FBXL7: variants seen among roughly 807,000 people sequenced by gnomAD.
FBXL7 encodes the protein F-box and leucine rich repeat protein 7, also known as F-box/LRR-repeat protein 7.
A neutral mutation model predicts 38.3 loss-of-function variants in FBXL7; 12 were observed. That is an observed-to-expected ratio of 0.31 (90% confidence interval 0.20 to 0.51). The LOEUF (loss-of-function observed/expected upper bound fraction) is 0.51. FBXL7 is among the 20% of genes least tolerant of loss of function. The probability of loss-of-function intolerance (pLI) is 0.98; values close to 1 mark genes in which losing one functional copy is unlikely to be tolerated. For missense variants in FBXL7, 567 were observed against 676.4 expected, an observed-to-expected ratio of 0.84 and a Z score of 1.79; for synonymous variants, 297 against 300.9, an observed-to-expected ratio of 0.99 and a Z score of 0.13.
intron 1 of FBXL7, among the ~76,000 whole-genome samples, chr5:15,585,313 T>A (rs1739269427): frequency 1.3e-5 from 2 of 152,128 alleles, no homozygotes; most frequent in South Asian, 4.1e-4. Flanking sequence ...TAGGGAGAGA[T>A]GAATCCAATT....
chr5:15,689,267 G>GA (rs34526764), intron 2 of FBXL7, among the ~76,000 whole-genome samples: 1 of 142,592 alleles, frequency 7.0e-6, no homozygotes, highest in Non-Finnish European at 1.5e-5. Context: ...TTTATTTTCA[G>GA]TTTTTTTTTT....
At chr5:15,509,105 T>G (rs1561009630) in intron 1 of FBXL7, among the ~76,000 whole-genome samples, 1 of 152,148 alleles carries the variant, frequency 6.6e-6, no homozygotes, top group Admixed American at 6.5e-5. Flanking sequence ...GTCAGTGATA[T>G]TTGATCAGAA....
chr5:15,840,780 G>A (rs1296916934), intron 2 of FBXL7, among the ~76,000 whole-genome samples: 1 of 150,256 alleles, frequency 6.7e-6, no homozygotes, highest in Non-Finnish European at 1.5e-5. Context: ...CCAGGAGGTG[G>A]ACGTTGCAGT....
intron 2 of FBXL7, among the ~76,000 whole-genome samples, chr5:15,687,878 G>C (rs187734433): frequency 1.8e-4 from 28 of 152,152 alleles, no homozygotes; most frequent in Admixed American, 4.6e-4. Context: ...GTGCATTGAG[G>C]GATGATAGTA....
At chr5:15,780,093 A>G (rs2126719958) in intron 2 of FBXL7, among the ~76,000 whole-genome samples, 1 of 152,306 alleles carries the variant, frequency 6.6e-6, no homozygotes. Flanking sequence ...AGGAAGTCTG[A>G]GTCTACAAAG....
chr5:15,505,918 G>A (rs1387098114), intron 1 of FBXL7, among the ~76,000 whole-genome samples: 1 of 152,046 alleles, frequency 6.6e-6, no homozygotes. Flanking sequence ...GCAGTCAGTC[G>A]GAACGTTTCT....
At chr5:15,918,577 G>A (rs988663783) in intron 2 of FBXL7, among the ~76,000 whole-genome samples, 1 of 152,196 alleles carries the variant, frequency 6.6e-6, no homozygotes, top group Non-Finnish European at 1.5e-5. Context: ...CAAAACCCAC[G>A]CTTAGTTCGG....
At chr5:15,749,587 A>G (rs1285380371) in intron 2 of FBXL7, among the ~76,000 whole-genome samples, 1 of 152,124 alleles carries the variant, frequency 6.6e-6, no homozygotes, top group Non-Finnish European at 1.5e-5. Context: ...AGATTGCGCC[A>G]CTGCACTCCA....
chr5:15,671,576 C>T (rs1216274497), intron 2 of FBXL7, among the ~76,000 whole-genome samples: 1 of 152,192 alleles, frequency 6.6e-6, no homozygotes, highest in Non-Finnish European at 1.5e-5. Flanking sequence ...AGCCGAAAGG[C>T]TGAGAAGCAA....
chr5:15,545,774 G>T (rs139927661), intron 1 of FBXL7, among the ~76,000 whole-genome samples: 1 of 152,356 alleles, frequency 6.6e-6, no homozygotes, highest in African/African-American at 2.4e-5. Flanking sequence ...GTGCAACAGA[G>T]TGTTTGGTTA....
At chr5:15,593,693 ATTTG>A (rs1179094234) in intron 1 of FBXL7, among the ~76,000 whole-genome samples, 1 of 152,116 alleles carries the variant, frequency 6.6e-6, no homozygotes, top group Non-Finnish European at 1.5e-5. Context: ...TTTGTTTTAA[ATTTG>A]TTTAATTTGT....
intron 2 of FBXL7, among the ~76,000 whole-genome samples, chr5:15,693,640 A>AC (rs1292020032): frequency 6.6e-6 from 1 of 151,788 alleles, no homozygotes; most frequent in Non-Finnish European, 1.5e-5. Context: ...GCCAGTAAAA[A>AC]CCCCAAGACC....
chr5:15,785,268 C>A (rs1737105615), intron 2 of FBXL7, among the ~76,000 whole-genome samples: 1 of 152,146 alleles, frequency 6.6e-6, no homozygotes, highest in Non-Finnish European at 1.5e-5. Flanking sequence ...GGAGTGATCT[C>A]CTGCAGCAGG....
intron 2 of FBXL7, among the ~76,000 whole-genome samples, chr5:15,841,336 A>G (rs1579509932): frequency 6.6e-6 from 1 of 152,288 alleles, no homozygotes; most frequent in African/African-American, 2.4e-5. Context: ...AATAAATCTC[A>G]GTTTTAAAAT....
chr5:15,555,239 C>A (rs1048242164), intron 1 of FBXL7, among the ~76,000 whole-genome samples: 3 of 152,170 alleles, frequency 2.0e-5, no homozygotes. Context: ...ACAGAACATC[C>A]AGTTAAAGGA....
intron 2 of FBXL7, among the ~76,000 whole-genome samples, chr5:15,636,680 CTTTTT>C (rs35974559): frequency 3.7e-5 from 5 of 134,208 alleles, no homozygotes; most frequent in East Asian, 2.1e-4. Context: ...GGGCTAAAAC[CTTTTT>C]TTTTTTTTTT....
At chr5:15,824,295 CAAAA>C (rs57955989) in intron 2 of FBXL7, among the ~76,000 whole-genome samples, 4 of 122,926 alleles carry the variant, frequency 3.3e-5, no homozygotes, top group Admixed American at 8.8e-5. Flanking sequence ...GACTCCGTCT[CAAAA>C]AAAAAAAAAA....
chr5:15,534,463 A>C (rs1171578722), intron 1 of FBXL7, among the ~76,000 whole-genome samples: 2 of 152,152 alleles, frequency 1.3e-5, no homozygotes, highest in Non-Finnish European at 2.9e-5. Flanking sequence ...GTATGCATTT[A>C]AGGTTTCTTC....
intron 2 of FBXL7, among the ~76,000 whole-genome samples, chr5:15,824,474 G>C (rs967613820): frequency 6.6e-6 from 1 of 151,910 alleles, no homozygotes; most frequent in Admixed American, 6.6e-5. Flanking sequence ...TTGTGACCGT[G>C]GCGCCCTCTA....
Sources: gnomAD v4.1 joint callset for allele counts (sites outside exome capture counted in the v4.1 genomes callset) on GRCh38, gnomAD v4.1.1 for gene constraint, MANE v1.5 for transcripts, NCBI Gene and HGNC (gene_info 2026-07-23, HGNC 2026-07-21) for gene names.